Variants in PRKAR1A observed in about 807,000 individuals in gnomAD.
PRKAR1A encodes cAMP-dependent protein kinase type I-alpha regulatory subunit.
In PRKAR1A, 3 loss-of-function variants were observed where a neutral mutation model predicts 52.0. The observed-to-expected ratio is 0.06, with a 90% confidence interval of 0.03 to 0.15. PRKAR1A has a LOEUF of 0.15. Ranked by LOEUF, PRKAR1A falls within the 10% of genes least tolerant of loss-of-function variation. The probability of loss-of-function intolerance (pLI) is 1.00; values close to 1 mark genes in which losing one functional copy is unlikely to be tolerated. For missense variants in PRKAR1A, 240 were observed against 477.4 expected, an observed-to-expected ratio of 0.50 and a Z score of 4.63; for synonymous variants, 188 against 168.4, an observed-to-expected ratio of 1.12 and a Z score of -0.90.
chr17:68,522,618 A>G, intron 2 of PRKAR1A, 138 bp from the exon 3 acceptor site: 2 of 905,556 alleles, frequency 2.2e-6, no homozygotes, highest in Non-Finnish European at 3.5e-6. Context: ...CCCCTTTGGA[A>G]TTGGTGTTTT....
At chr17:68,447,901 G>A in the PRKAR1A span, among the ~76,000 whole-genome samples, 949 of 150,982 alleles carry the variant, frequency 6.3e-3, 9 homozygotes, top group Middle Eastern at 0.037. Flanking sequence ...GGTGAGGCAG[G>A]AGAATTGCTT....
chr17:68,463,080 C>A, the PRKAR1A span, among the ~76,000 whole-genome samples: 1 of 152,240 alleles, frequency 6.6e-6, no homozygotes, highest in East Asian at 1.9e-4. Context: ...TCAGTCACCC[C>A]TGGGAAGAAG....
the PRKAR1A span, among the ~76,000 whole-genome samples, chr17:68,462,293 C>A: frequency 6.6e-6 from 1 of 151,636 alleles, no homozygotes; most frequent in Non-Finnish European, 1.5e-5. Flanking sequence ...AAGACAGTTG[C>A]TTTCTACAAG....
At chr17:68,499,771 A>G in the PRKAR1A span, among the ~76,000 whole-genome samples, 1 of 152,238 alleles carries the variant, frequency 6.6e-6, no homozygotes, top group East Asian at 1.9e-4. Context: ...AGTGGTGGCC[A>G]CTGATCACAG....
chr17:68,464,725 A>G, the PRKAR1A span, among the ~76,000 whole-genome samples: 1 of 151,268 alleles, frequency 6.6e-6, no homozygotes, highest in Non-Finnish European at 1.5e-5. Context: ...AACACCTAAC[A>G]TTGAAAAGGT....
intron 2 of PRKAR1A, among the ~76,000 whole-genome samples, chr17:68,518,409 G>A (rs1568690878): frequency 1.3e-5 from 2 of 152,206 alleles, no homozygotes; most frequent in Non-Finnish European, 1.5e-5. Context: ...TGAAATCTAG[G>A]GGGAGGTTCC....
At chr17:68,476,664 C>T in the PRKAR1A span, among the ~76,000 whole-genome samples, 1 of 151,074 alleles carries the variant, frequency 6.6e-6, no homozygotes, top group African/African-American at 2.4e-5. Flanking sequence ...CCCTCTCTCT[C>T]TCTCTTTCTC....
At chr17:68,475,219 A>G in the PRKAR1A span, among the ~76,000 whole-genome samples, 3 of 152,222 alleles carry the variant, frequency 2.0e-5, no homozygotes. Flanking sequence ...AAAAACTTCT[A>G]GCGAATATTA....
At chr17:68,450,770 G>A in the PRKAR1A span, 2 of 1,613,506 alleles carry the variant, frequency 1.2e-6, no homozygotes, top group Admixed American at 1.7e-5. Flanking sequence ...TGGAGTAGCT[G>A]TAATTACAGA....
At chr17:68,482,510 G>A in the PRKAR1A span, among the ~76,000 whole-genome samples, 28 of 152,126 alleles carry the variant, frequency 1.8e-4, no homozygotes, top group African/African-American at 6.7e-4. Context: ...CTTTTCAAGA[G>A]GAAAAAAATA....
the PRKAR1A span, among the ~76,000 whole-genome samples, chr17:68,439,103 C>A: frequency 2.0e-5 from 3 of 152,062 alleles, no homozygotes; most frequent in African/African-American, 7.3e-5. Context: ...ACATAAAGTT[C>A]TCATATGACC....
chr17:68,539,492 T>C (rs2086196658), intron 11 of PRKAR1A: 5 of 1,166,972 alleles, frequency 4.3e-6, no homozygotes, highest in East Asian at 2.3e-5. Context: ...GAATCAGAGA[T>C]TGGGGTAAAA....
the PRKAR1A span, among the ~76,000 whole-genome samples, chr17:68,440,549 G>A: frequency 6.6e-6 from 1 of 152,150 alleles, no homozygotes; most frequent in East Asian, 1.9e-4. Flanking sequence ...TCACTGTTCT[G>A]AACATCTGAG....
the PRKAR1A span, among the ~76,000 whole-genome samples, chr17:68,471,642 G>T: frequency 6.6e-6 from 1 of 152,144 alleles, no homozygotes; most frequent in African/African-American, 2.4e-5. Context: ...CTGGGAGAGG[G>T]GGGAGGTCTT....
At chr17:68,541,086 T>A in intron 11 of PRKAR1A, 1 of 1,432,144 alleles carries the variant, frequency 7.0e-7, no homozygotes, top group Non-Finnish European at 9.4e-7. Context: ...TGGCAGCTTC[T>A]AAAATTCAGA....
At chr17:68,499,599 T>C in the PRKAR1A span, among the ~76,000 whole-genome samples, 2 of 152,204 alleles carry the variant, frequency 1.3e-5, no homozygotes, top group Non-Finnish European at 2.9e-5. Context: ...ATTAAGACCA[T>C]TGCATGTAAA....
In PRKAR1A at chr17:68,512,534, G is replaced by A; in HGVS notation, c.-21G>A. 6.5e-6 allele frequency: 1 copy of A among 154,758 alleles called. No homozygotes were observed. Among genetic ancestry groups the A allele is most frequent in the Non-Finnish European group, 1.4e-5 (1 of 69,686 alleles). The allele number at this position is 154,758 out of a possible 1,614,324, so 9.6% of individuals were successfully genotyped here. The stretch of plus-strand genomic sequence containing the variant: ...TCGCACCCGCAGCCTCGCGCCCGCC[G>A]CCGCCCGTCCCCAGGTGAGTGGGGT... On this transcript the variant is annotated 5_prime_UTR_variant, in exon 1 of 11. Coordinates refer to ENST00000589228, the MANE Select transcript of PRKAR1A (RefSeq NM_002734.5).
the PRKAR1A span, among the ~76,000 whole-genome samples, chr17:68,464,845 T>C: frequency 1.3e-5 from 2 of 151,878 alleles, no homozygotes; most frequent in Non-Finnish European, 2.9e-5. Context: ...AAATTCTGAG[T>C]CTAAAGACAT....
chr17:68,441,555 T>C, the PRKAR1A span, among the ~76,000 whole-genome samples: 1 of 152,158 alleles, frequency 6.6e-6, no homozygotes, highest in African/African-American at 2.4e-5. Context: ...GAATGTATAA[T>C]TGGCAGGGCG....
Sources: allele counts gnomAD v4.1 joint callset (sites outside exome capture counted in the v4.1 genomes callset), GRCh38; gene constraint gnomAD v4.1.1; transcripts MANE v1.5; gene names NCBI Gene and HGNC (gene_info 2026-07-23, HGNC 2026-07-21).